GRIN2A: variants seen among roughly 807,000 people sequenced by gnomAD.
The protein encoded by GRIN2A is glutamate receptor ionotropic, NMDA 2A.
GRIN2A carries 22 observed loss-of-function variants against 113.4 expected under a neutral mutation model. That is an observed-to-expected ratio of 0.19 (90% CI 0.14 to 0.28). GRIN2A has a LOEUF of 0.28. Ranked by LOEUF, GRIN2A falls within the 10% of genes least tolerant of loss-of-function variation. The pLI is 1.00. For synonymous variants in GRIN2A, 827 were observed against 738.4 expected, an observed-to-expected ratio of 1.12 and a Z score of -1.94; for missense variants, 1,502 against 1,887.0, an observed-to-expected ratio of 0.80 and a Z score of 3.78.
At chr16:9,885,727 G>A (rs2043574602) in intron 4 of GRIN2A, among the ~76,000 whole-genome samples, 2 of 152,184 alleles carry the variant, frequency 1.3e-5, no homozygotes, top group South Asian at 4.1e-4. Flanking sequence ...TAGTGCTGGG[G>A]GGGCAGCTTT....
chr16:10,107,219 G>A (rs1423395389), intron 2 of GRIN2A, among the ~76,000 whole-genome samples: 1 of 152,170 alleles, frequency 6.6e-6, no homozygotes, highest in African/African-American at 2.4e-5. Flanking sequence ...GAAGATCTCA[G>A]CACTAGTCCC....
rs550603282 is a variant in GRIN2A, at chr16:9,756,607, C to G, written c.*6542G>C. The G allele has an allele frequency of 5.0e-6, 1 of 198,314 alleles. No homozygotes were observed. The highest frequency in any genetic ancestry group is 2.3e-5 in the African/African-American group (1 of 43,536). The allele number at this position is 198,314 out of a possible 1,614,324, so 12.3% of individuals were successfully genotyped here. On this transcript the variant is annotated 3_prime_UTR_variant, in exon 13 of 13. Transcript: ENST00000330684. ...CTGACGAGGTTGAGAAAAACCTGAG[C>G]CTCAGTTTCCTTATCTGTAAAATGG... is the stretch of plus-strand genomic sequence containing the variant.
chr16:10,012,114 A>T (rs2046516850), intron 2 of GRIN2A, among the ~76,000 whole-genome samples: 1 of 152,214 alleles, frequency 6.6e-6, no homozygotes, highest in Non-Finnish European at 1.5e-5. Context: ...CTATAATAAC[A>T]TCATTCTTAC....
At chr16:10,011,059 C>T (rs996416367) in intron 2 of GRIN2A, among the ~76,000 whole-genome samples, 13 of 152,324 alleles carry the variant, frequency 8.5e-5, no homozygotes, top group Admixed American at 5.9e-4. Context: ...CCAGACTCTT[C>T]TTTAGCATCA....
chr16:10,125,858 C>G (rs1419056732), intron 2 of GRIN2A, among the ~76,000 whole-genome samples: 1 of 151,986 alleles, frequency 6.6e-6, no homozygotes, highest in Non-Finnish European at 1.5e-5. Flanking sequence ...CAGTCTTTCC[C>G]CAAACTCAGC....
At chr16:10,103,854 C>G (rs781442093) in intron 2 of GRIN2A, among the ~76,000 whole-genome samples, 9 of 152,262 alleles carry the variant, frequency 5.9e-5, no homozygotes, top group Non-Finnish European at 1.2e-4. Context: ...AGATGAAAGC[C>G]CTTCAAATAA....
rs575863321 is a variant in GRIN2A, at chr16:9,759,187, G to A, written c.*3962C>T. On this transcript the variant is annotated 3_prime_UTR_variant, in exon 13 of 13. Transcript: ENST00000330684. ...TTAGTGTTTATTTAGGTCTTAAACCGCAAGGGATTTCAGTACAAGGTACTT... is the reference window on the plus strand; with the variant it reads ...TTAGTGTTTATTTAGGTCTTAAACCACAAGGGATTTCAGTACAAGGTACTT... 22 of 216,970 alleles carry A rather than the reference G, an allele frequency of 1.0e-4. No homozygotes were observed. The highest frequency in any genetic ancestry group is 1.7e-4 in the Non-Finnish European group (18 of 107,914). 13.4% of individuals were successfully genotyped at this position (216,970 alleles called of 1,614,324 possible). A position where few individuals can be genotyped will look rare whatever the true frequency, so the allele number is the denominator to read the frequency against.
chr16:9,843,066 G>A (rs1207536050), intron 5 of GRIN2A, among the ~76,000 whole-genome samples: 1 of 151,122 alleles, frequency 6.6e-6, no homozygotes, highest in Non-Finnish European at 1.5e-5. Context: ...GAGAAAGAGA[G>A]GGAGGGAGAG....
In GRIN2A at chr16:9,849,984, C is replaced by G. The variant is rs373098297; in HGVS notation, c.1123-23G>C. ...CACCTGCAGCACAAACACAAAGACA[C>G]AGCTGTGCTTTCTTCCGCCGCTGAT... On this transcript the variant is annotated intron_variant, in intron 4 of 12. Coordinates refer to ENST00000330684, the MANE Select transcript of GRIN2A (RefSeq NM_001134407.3). 5 of 1,599,274 alleles carry G rather than the reference C, an allele frequency of 3.1e-6. 1 individual carries two copies. In the East Asian group the frequency reaches 1.1e-4, roughly 36 times the overall value.
At chr16:9,841,421 AG>A (rs1437255667) in intron 5 of GRIN2A, among the ~76,000 whole-genome samples, 10 of 136,444 alleles carry the variant, frequency 7.3e-5, no homozygotes, top group Non-Finnish European at 1.0e-4. Context: ...CCCATTAAAC[AG>A]GTAAAAATTA....
At chr16:10,156,226 C>T (rs2049692162) in intron 2 of GRIN2A, among the ~76,000 whole-genome samples, 1 of 152,190 alleles carries the variant, frequency 6.6e-6, no homozygotes, top group African/African-American at 2.4e-5. Flanking sequence ...ATGGCTCCAC[C>T]CAAATCTTCT....
intron 2 of GRIN2A, among the ~76,000 whole-genome samples, chr16:9,979,398 T>G (rs550083398): frequency 1.3e-5 from 2 of 152,316 alleles, no homozygotes; most frequent in South Asian, 2.1e-4. Flanking sequence ...CCCTCCTCAG[T>G]GTCTTCGCAC....
chr16:10,160,218 ATCTACTAAGTACC>A (rs1321206211), intron 2 of GRIN2A, among the ~76,000 whole-genome samples: 1 of 152,220 alleles, frequency 6.6e-6, no homozygotes, highest in Non-Finnish European at 1.5e-5. Context: ...TTGTTTGAAC[ATCTACTAAGTACC>A]TACTCTCCCT....
chr16:10,106,453 C>A (rs12934614), intron 2 of GRIN2A, among the ~76,000 whole-genome samples: 63,801 of 151,386 alleles, frequency 0.42, 14,909 homozygotes, highest in Admixed American at 0.57. Context: ...ATAAGAAAAA[C>A]CTCCCAAATC....
At chr16:9,949,748 G>C (rs1464417245) in intron 2 of GRIN2A, among the ~76,000 whole-genome samples, 1 of 151,952 alleles carries the variant, frequency 6.6e-6, no homozygotes, top group Non-Finnish European at 1.5e-5. Flanking sequence ...TGGGTGGGTG[G>C]GTGGATGGAT....
At chr16:9,978,479 T>TC (rs2045820098) in intron 2 of GRIN2A, among the ~76,000 whole-genome samples, 2 of 152,084 alleles carry the variant, frequency 1.3e-5, no homozygotes, top group Non-Finnish European at 2.9e-5. Flanking sequence ...CTCCTCCCTA[T>TC]CCTCTTCCTC....
At chr16:10,094,028 T>G (rs1567293841) in intron 2 of GRIN2A, among the ~76,000 whole-genome samples, 1 of 152,156 alleles carries the variant, frequency 6.6e-6, no homozygotes, top group African/African-American at 2.4e-5. Flanking sequence ...GTCCTCCTAC[T>G]CCAGGTTTCT....
intron 2 of GRIN2A, among the ~76,000 whole-genome samples, chr16:9,985,658 T>C (rs1285403952): frequency 6.6e-6 from 1 of 151,930 alleles, no homozygotes; most frequent in Non-Finnish European, 1.5e-5. Context: ...ACAATTGAAC[T>C]CATGGAGGTA....
intron 10 of GRIN2A, among the ~76,000 whole-genome samples, chr16:9,811,188 C>T (rs1431013704): frequency 2.0e-5 from 3 of 152,170 alleles, no homozygotes; most frequent in East Asian, 1.9e-4. Context: ...CCTAACCCCA[C>T]GACCTTGTAA....
Sources: gnomAD v4.1 joint callset for allele counts (sites outside exome capture counted in the v4.1 genomes callset) on GRCh38, gnomAD v4.1.1 for gene constraint, MANE v1.5 for transcripts, NCBI Gene and HGNC (gene_info 2026-07-23, HGNC 2026-07-21) for gene names.